Variants in ARHGAP10 observed in about 807,000 individuals in gnomAD.
The protein encoded by ARHGAP10 is Rho GTPase activating protein 10, also known as rho GTPase-activating protein 10.
Under a neutral mutation model 108.6 loss-of-function variants are expected in ARHGAP10, and 87 were observed. That is an observed-to-expected ratio of 0.80 (90% CI 0.67 to 0.96). ARHGAP10 has a LOEUF of 0.96. Among genes scored for constraint, ARHGAP10 ranks in the 40% least tolerant of loss-of-function variants. The probability of loss-of-function intolerance (pLI) is 0.00; values close to 1 mark genes in which losing one functional copy is unlikely to be tolerated. For synonymous variants in ARHGAP10, 347 were observed against 341.1 expected (o/e 1.02, Z -0.19); for missense variants, 939 against 954.5 (o/e 0.98, Z 0.21).
At chr4:147,988,715 G>GTCAGCCT (rs1740138252) in intron 18 of ARHGAP10, among the ~76,000 whole-genome samples, 9 of 152,190 alleles carry the variant, frequency 5.9e-5, no homozygotes, top group Admixed American at 5.9e-4. Context: ...TTTCTTCAGA[G>GTCAGCCT]TCAGCCTTTG....
At chr4:147,919,077 A>G (rs1273318218) in intron 13 of ARHGAP10, among the ~76,000 whole-genome samples, 1 of 152,218 alleles carries the variant, frequency 6.6e-6, no homozygotes, top group African/African-American at 2.4e-5. Flanking sequence ...TGTTCTTTTG[A>G]AAATGACATT....
At chr4:147,748,871 A>G (rs1444391402) in intron 1 of ARHGAP10, among the ~76,000 whole-genome samples, 4 of 152,036 alleles carry the variant, frequency 2.6e-5, no homozygotes, top group African/African-American at 9.7e-5. Context: ...AGGTGGGAGG[A>G]TTGCTTGAAT....
At chr4:148,055,596 G>A (rs1394687556) in intron 20 of ARHGAP10, among the ~76,000 whole-genome samples, 3 of 152,214 alleles carry the variant, frequency 2.0e-5, no homozygotes, top group African/African-American at 4.8e-5. Flanking sequence ...GGCGAAGCAC[G>A]AGAATTGCTT....
chr4:148,016,972 C>G (rs1221625840), intron 18 of ARHGAP10, among the ~76,000 whole-genome samples: 1 of 147,718 alleles, frequency 6.8e-6, no homozygotes, highest in Non-Finnish European at 1.5e-5. Context: ...ATGGTGAAAC[C>G]TCATCTCTAT....
intron 3 of ARHGAP10, among the ~76,000 whole-genome samples, chr4:147,834,877 C>T (rs1733104480): frequency 6.6e-6 from 1 of 151,928 alleles, no homozygotes; most frequent in Non-Finnish European, 1.5e-5. Flanking sequence ...CCCATTTTCT[C>T]TCACAGATGT....
intron 1 of ARHGAP10, among the ~76,000 whole-genome samples, chr4:147,751,847 A>G (rs1729163640): frequency 6.7e-6 from 1 of 148,576 alleles, no homozygotes; most frequent in Admixed American, 6.7e-5. Flanking sequence ...TAGGTAGCTG[A>G]GGCTCCTGCA....
At chr4:147,878,479 G>C (rs1398736503) in intron 8 of ARHGAP10, among the ~76,000 whole-genome samples, 4 of 152,118 alleles carry the variant, frequency 2.6e-5, no homozygotes, top group Non-Finnish European at 5.9e-5. Flanking sequence ...TAAAGCACTA[G>C]GTGGATTTTT....
At chr4:147,732,580 G>C in intron 1 of ARHGAP10, 125 bp downstream of exon 1, 1 of 1,379,222 alleles carries the variant, frequency 7.3e-7, no homozygotes, top group Non-Finnish European at 9.9e-7. Context: ...AATTCATTCC[G>C]GACCAGCCCA....
At chr4:147,889,695 AT>A (rs777865013) in intron 10 of ARHGAP10, among the ~76,000 whole-genome samples, 26 of 149,938 alleles carry the variant, frequency 1.7e-4, no homozygotes, top group East Asian at 9.8e-4. Flanking sequence ...TGTTTTTGCT[AT>A]TTTTTTTTTA....
chr4:147,860,738 T>C (rs1266402789), intron 5 of ARHGAP10, among the ~76,000 whole-genome samples: 1 of 152,236 alleles, frequency 6.6e-6, no homozygotes, highest in Non-Finnish European at 1.5e-5. Flanking sequence ...ATTTCCTAAA[T>C]AACTTTATGT....
At chr4:147,936,317 CTTTTTTTTTT>C (rs765432394) in intron 13 of ARHGAP10, among the ~76,000 whole-genome samples, 2 of 97,852 alleles carry the variant, frequency 2.0e-5, no homozygotes, top group Admixed American at 1.4e-4. Flanking sequence ...CTTTTCCTCT[CTTTTTTTTTT>C]TTTTTTTTTT....
At chr4:147,874,456 A>AT (rs144743920) in intron 7 of ARHGAP10, among the ~76,000 whole-genome samples, 6,070 of 151,970 alleles carry the variant, frequency 0.04, 381 homozygotes, top group African/African-American at 0.14. Flanking sequence ...TGTAGGTGAG[A>AT]TTTTTTTTCC....
chr4:147,843,842 C>G (rs947394408), intron 3 of ARHGAP10, among the ~76,000 whole-genome samples: 2 of 152,218 alleles, frequency 1.3e-5, no homozygotes, highest in African/African-American at 4.8e-5. Context: ...TATCCAACAC[C>G]TTGGTAGCTT....
chr4:147,911,493 A>G (rs146094224), intron 12 of ARHGAP10, among the ~76,000 whole-genome samples: 1,550 of 152,198 alleles, frequency 0.01, 20 homozygotes, highest in African/African-American at 0.032. Context: ...CTCCCGAGTA[A>G]CTGGGACTAC....
chr4:147,957,472 C>T (rs777881506), intron 16 of ARHGAP10, among the ~76,000 whole-genome samples: 6 of 152,080 alleles, frequency 3.9e-5, no homozygotes, highest in Non-Finnish European at 7.4e-5. Flanking sequence ...GTTGGAAAAT[C>T]GGGATTGTGG....
rs34876546 is a variant in ARHGAP10, at chr4:148,039,368, ATTTTTTT to A, written c.1868-7501_1868-7495del. ...TTAATACTTTAAGAATACTACTTCA[ATTTTTTT>A]TTTTTTTTTTTTTTTTTTTTTTGAG... On this transcript the variant is annotated intron_variant, in intron 19 of 22. Transcript: ENST00000336498. 5.4e-3 allele frequency among the ~76,000 whole-genome samples: 398 copies of A among 73,042 alleles called. 1 individual carries two copies. Among genetic ancestry groups the A allele is most frequent in the Non-Finnish European group, 7.7e-3 (294 of 38,402 alleles). 47.9% of individuals were successfully genotyped at this position (73,042 alleles called of 152,430 possible).
At chr4:147,860,088 G>C (rs142703079) in intron 5 of ARHGAP10, among the ~76,000 whole-genome samples, 2 of 152,332 alleles carry the variant, frequency 1.3e-5, no homozygotes, top group Non-Finnish European at 1.5e-5. Flanking sequence ...TGCAGAGAAT[G>C]ATACTGAACA....
chr4:147,848,485 A>T (rs1032085076), intron 4 of ARHGAP10, among the ~76,000 whole-genome samples: 2 of 152,202 alleles, frequency 1.3e-5, no homozygotes, highest in African/African-American at 4.8e-5. Flanking sequence ...AGTTTCTTAT[A>T]TGTAAAATGA....
chr4:147,775,164 C>T (rs188584108), intron 1 of ARHGAP10, among the ~76,000 whole-genome samples: 7 of 152,234 alleles, frequency 4.6e-5, no homozygotes, highest in Admixed American at 1.3e-4. Context: ...CCACTCGCCT[C>T]GGCCCCCCAA....
Sources: gnomAD v4.1 joint callset for allele counts (sites outside exome capture counted in the v4.1 genomes callset) on GRCh38, gnomAD v4.1.1 for gene constraint, MANE v1.5 for transcripts, NCBI Gene and HGNC (gene_info 2026-07-23, HGNC 2026-07-21) for gene names.